Variants in CCSER1 observed in about 807,000 individuals in gnomAD.
CCSER1 encodes the protein coiled-coil serine rich protein 1.
CCSER1 carries 41 observed loss-of-function variants against 82.0 expected under a neutral mutation model. The ratio of observed to expected loss-of-function variants is 0.50; its 90% CI spans 0.39 to 0.65. The LOEUF (loss-of-function observed/expected upper bound fraction) is 0.65, where lower values mean the gene tolerates loss of function less well. Among genes scored for constraint, CCSER1 ranks in the 30% least tolerant of loss-of-function variants. The pLI, the probability that CCSER1 is intolerant of heterozygous loss-of-function variation, is 0.00. For missense variants in CCSER1, 1,119 were observed against 1,064.2 expected (o/e 1.05, Z -0.72); for synonymous variants, 414 against 383.9 (o/e 1.08, Z -0.92).
chr4:91,359,333 C>T (rs558372384), intron 10 of CCSER1, among the ~76,000 whole-genome samples: 3 of 151,814 alleles, frequency 2.0e-5, no homozygotes, highest in African/African-American at 7.2e-5. Flanking sequence ...AGGCCTGGCG[C>T]CAGGCTGCCT....
chr4:90,541,964 A>G (rs1264771477), intron 5 of CCSER1, among the ~76,000 whole-genome samples: 1 of 152,038 alleles, frequency 6.6e-6, no homozygotes, highest in African/African-American at 2.4e-5. Flanking sequence ...TTTCTTAAAA[A>G]TTTGAGAATC....
chr4:90,407,089 A>T (rs1276174887), intron 4 of CCSER1, among the ~76,000 whole-genome samples: 1 of 152,220 alleles, frequency 6.6e-6, no homozygotes, highest in African/African-American at 2.4e-5. Flanking sequence ...TCTTCGAAAA[A>T]AATAAATAAA....
At chr4:90,602,786 A>G (rs1477854183) in intron 5 of CCSER1, among the ~76,000 whole-genome samples, 2 of 152,208 alleles carry the variant, frequency 1.3e-5, no homozygotes, top group African/African-American at 2.4e-5. Context: ...ACATAGGATT[A>G]TTTATCACTG....
chr4:91,478,156 C>T (rs1757695303), intron 10 of CCSER1, among the ~76,000 whole-genome samples: 1 of 151,720 alleles, frequency 6.6e-6, no homozygotes, highest in Non-Finnish European at 1.5e-5. Flanking sequence ...CTTACTGATC[C>T]CAAGCTTTTC....
chr4:91,071,311 G>C (rs1721407429), intron 9 of CCSER1, among the ~76,000 whole-genome samples: 1 of 152,074 alleles, frequency 6.6e-6, no homozygotes, highest in African/African-American at 2.4e-5. Flanking sequence ...ATGTTTTAAG[G>C]GTGCCAGAAG....
At chr4:91,021,504 ATCT>A (rs1054736625) in intron 9 of CCSER1, among the ~76,000 whole-genome samples, 14 of 152,292 alleles carry the variant, frequency 9.2e-5, no homozygotes, top group Admixed American at 8.5e-4. Flanking sequence ...TTGCAATCTA[ATCT>A]TCAGTGCATA....
rs372696591 is a variant in CCSER1, at chr4:91,028,761, C to T, written c.2173-57189C>T. 3.3e-4 allele frequency among the ~76,000 whole-genome samples: 50 copies of T among 151,806 alleles called. 2 individuals carry two copies. The South Asian group carries it at 7.7e-3, about 23-fold the overall frequency. ...CCCTAAACCTGGTGAATATAATAAGCATGACTCCCCATGGATCTGAAAAAA... is the reference window on the plus strand; with the variant it reads ...CCCTAAACCTGGTGAATATAATAAGTATGACTCCCCATGGATCTGAAAAAA... On this transcript the variant is annotated intron_variant, in intron 9 of 10. Transcript: ENST00000509176.
intron 7 of CCSER1, among the ~76,000 whole-genome samples, chr4:90,754,687 A>G (rs553721527): frequency 2.3e-4 from 35 of 152,280 alleles, no homozygotes; most frequent in African/African-American, 8.2e-4. Context: ...TCTTCCCTTA[A>G]CTACATCAAA....
Position 90,364,828 on chromosome 4 carries a change from G to C in CCSER1, c.1510-35208G>C, listed in dbSNP as rs372938264. Among the ~76,000 whole-genome samples, 19 of 151,872 alleles carry C rather than the reference G, an allele frequency of 1.3e-4. No individual in the cohort carries two copies. The East Asian group carries it at 3.7e-3, about 29-fold the overall frequency. The stretch of plus-strand genomic sequence containing the variant: ...TCACACTGAAAAGAAAAACATAAAA[G>C]AGAATCTTATAGGTCAAAATAAAAT... On this transcript the variant is annotated intron_variant, in intron 3 of 10. Coordinates refer to ENST00000509176, the MANE Select transcript of CCSER1 (RefSeq NM_001145065.2).
intron 4 of CCSER1, among the ~76,000 whole-genome samples, chr4:90,419,671 G>A (rs11947902): frequency 0.028 from 4,242 of 151,956 alleles, 138 homozygotes; most frequent in African/African-American, 0.071. Context: ...ATGAAGTATT[G>A]CTGTATTACA....
intron 1 of CCSER1, 116 bp downstream of exon 1, chr4:90,127,947 C>T (rs1263720253): frequency 6.6e-6 from 1 of 151,708 alleles, no homozygotes; most frequent in African/African-American, 2.4e-5. Context: ...CGCGCCGTGT[C>T]GGGGCCGCCT....
At chr4:90,645,728 A>G (rs1046569240) in intron 6 of CCSER1, among the ~76,000 whole-genome samples, 1 of 152,206 alleles carries the variant, frequency 6.6e-6, no homozygotes, top group Non-Finnish European at 1.5e-5. Flanking sequence ...CTGAAATTCT[A>G]TGTCCCAATA....
intron 10 of CCSER1, among the ~76,000 whole-genome samples, chr4:91,539,052 T>G (rs2110190390): frequency 6.6e-6 from 1 of 152,168 alleles, no homozygotes; most frequent in African/African-American, 2.4e-5. Context: ...TTTGTAGAAT[T>G]ATTTTTTCTC....
rs545723815 is a variant in CCSER1 at position 90,157,723 on chromosome 4, A to G, written c.-42+29892A>G. ...TTCTTGAGCCTTGGCTTTCAGCTCC[A>G]TCAGCTCCTTTAAGCACTTCTCTGT... On this transcript the variant is annotated intron_variant, in intron 1 of 10. Transcript: ENST00000509176. Among the ~76,000 whole-genome samples the G allele has an allele frequency of 5.3e-5, 4 of 75,668 alleles. No homozygotes were observed. In the South Asian group the frequency reaches 1.5e-3, roughly 29 times the overall value. The allele number at this position is 75,668 out of a possible 152,430, so 49.6% of individuals were successfully genotyped here. A position where few individuals can be genotyped will look rare whatever the true frequency, so the allele number is the denominator to read the frequency against.
chr4:90,338,102 CTT>C (rs1363137398), intron 3 of CCSER1, among the ~76,000 whole-genome samples: 2 of 152,148 alleles, frequency 1.3e-5, no homozygotes, highest in African/African-American at 2.4e-5. Flanking sequence ...ACTTTTGACT[CTT>C]TGTTCTTAAA....
chr4:90,262,724 C>G (rs1724555773), intron 1 of CCSER1, among the ~76,000 whole-genome samples: 1 of 152,022 alleles, frequency 6.6e-6, no homozygotes, highest in African/African-American at 2.4e-5. Flanking sequence ...TGGGAGCTAC[C>G]TTAACTCCCC....
At chr4:90,190,957 G>A (rs1028180326) in intron 1 of CCSER1, among the ~76,000 whole-genome samples, 3 of 151,916 alleles carry the variant, frequency 2.0e-5, no homozygotes, top group Non-Finnish European at 4.4e-5. Flanking sequence ...ACACAAATTG[G>A]AAAAGAGCTT....
At chr4:90,968,179 A>G (rs1329556469) in intron 9 of CCSER1, among the ~76,000 whole-genome samples, 1 of 151,926 alleles carries the variant, frequency 6.6e-6, no homozygotes, top group Non-Finnish European at 1.5e-5. Context: ...AGAGAACAGA[A>G]CTTAAAATAA....
intron 9 of CCSER1, among the ~76,000 whole-genome samples, chr4:91,008,775 T>G (rs1343804923): frequency 2.6e-5 from 4 of 152,218 alleles, no homozygotes; most frequent in Non-Finnish European, 4.4e-5. Flanking sequence ...TCCCAAGATG[T>G]TGGCAGGCTG....
Sources: gnomAD v4.1 joint callset for allele counts (sites outside exome capture counted in the v4.1 genomes callset) on GRCh38, gnomAD v4.1.1 for gene constraint, MANE v1.5 for transcripts, NCBI Gene and HGNC (gene_info 2026-07-23, HGNC 2026-07-21) for gene names.